Variants in SLC23A2 observed in about 807,000 individuals in gnomAD.
SLC23A2 encodes the protein Na(+)/L-ascorbic acid transporter 2.
In SLC23A2, 36 loss-of-function variants were observed where a neutral mutation model predicts 73.3. The ratio of observed to expected loss-of-function variants is 0.49; its 90% CI spans 0.38 to 0.65. SLC23A2 has a LOEUF of 0.65. Among genes scored for constraint, SLC23A2 ranks in the 30% least tolerant of loss-of-function variants. SLC23A2 has a pLI of 0.00. For missense variants in SLC23A2, 507 were observed against 841.6 expected (o/e 0.60, Z 4.92); for synonymous variants, 343 against 327.3 (o/e 1.05, Z -0.52).
chr20:4,884,027 G>A (rs1251105222), intron 8 of SLC23A2, among the ~76,000 whole-genome samples: 7 of 152,198 alleles, frequency 4.6e-5, no homozygotes, highest in African/African-American at 1.4e-4. Flanking sequence ...TGATGCAGGT[G>A]TATTACAGAA....
At chr20:4,987,395 G>C (rs867218519) in intron 1 of SLC23A2, among the ~76,000 whole-genome samples, 4 of 152,104 alleles carry the variant, frequency 2.6e-5, no homozygotes, top group African/African-American at 7.2e-5. Flanking sequence ...CCTGAAGAAC[G>C]ATCACTCGTG....
At chr20:4,921,307 C>G (rs1015631642) in intron 3 of SLC23A2, among the ~76,000 whole-genome samples, 9 of 152,136 alleles carry the variant, frequency 5.9e-5, no homozygotes, top group African/African-American at 2.2e-4. Flanking sequence ...AGAAATACAT[C>G]AAGGCTGGGC....
chr20:5,000,777 C>T (rs1473373652), intron 1 of SLC23A2, among the ~76,000 whole-genome samples: 1 of 151,828 alleles, frequency 6.6e-6, no homozygotes, highest in Admixed American at 6.6e-5. Context: ...GTCATTTTTT[C>T]CCCCCGAAAG....
At chr20:4,866,985 G>C (rs1930225270) in intron 13 of SLC23A2, among the ~76,000 whole-genome samples, 1 of 144,492 alleles carries the variant, frequency 6.9e-6, no homozygotes, top group African/African-American at 2.6e-5. Context: ...ACACCTCCCA[G>C]TTGGGATCCC....
At chr20:4,925,698 G>A (rs146588330) in intron 3 of SLC23A2, among the ~76,000 whole-genome samples, 41 of 152,276 alleles carry the variant, frequency 2.7e-4, no homozygotes, top group African/African-American at 8.9e-4. Flanking sequence ...CAGCATCCCT[G>A]CTGCTCATCT....
intron 2 of SLC23A2, among the ~76,000 whole-genome samples, chr20:4,941,744 T>C (rs1320384991): frequency 1.3e-5 from 2 of 149,520 alleles, no homozygotes; most frequent in African/African-American, 5.0e-5. Flanking sequence ...AGATCTCGTG[T>C]TAAATGTTCT....
intron 4 of SLC23A2, among the ~76,000 whole-genome samples, chr20:4,909,746 G>A (rs1251882218): frequency 2.0e-5 from 3 of 152,048 alleles, no homozygotes; most frequent in Admixed American, 6.6e-5. Flanking sequence ...TAGTAGAGAC[G>A]GGGTTTCACC....
At chr20:4,961,131 G>T (rs148652217) in intron 2 of SLC23A2, among the ~76,000 whole-genome samples, 1 of 141,064 alleles carries the variant, frequency 7.1e-6, no homozygotes, top group South Asian at 2.2e-4. Flanking sequence ...TTTTTGAGAC[G>T]GAGTCTCGCT....
Position 4,957,250 on chromosome 20 carries a change from G to A in SLC23A2, c.-155+13543C>T, listed in dbSNP as rs564448509. On this transcript the variant is annotated intron_variant, in intron 2 of 16. Coordinates refer to ENST00000338244, the MANE Select transcript of SLC23A2 (RefSeq NM_005116.6). ...TCAGGAGGGTCACTTGAGGATAGGAGTTTGAGACCATCCTGGACAACACAG... is the reference window on the plus strand; with the variant it reads ...TCAGGAGGGTCACTTGAGGATAGGAATTTGAGACCATCCTGGACAACACAG... Among the ~76,000 whole-genome samples the A allele has an allele frequency of 3.3e-5, 5 of 152,158 alleles. No individual in the cohort carries two copies. In the South Asian group the frequency reaches 1.0e-3, roughly 32 times the overall value.
intron 3 of SLC23A2, among the ~76,000 whole-genome samples, chr20:4,914,555 T>C (rs1030812476): frequency 2.0e-5 from 3 of 152,126 alleles, no homozygotes; most frequent in Non-Finnish European, 4.4e-5. Context: ...AAAACAGGTA[T>C]TTCTGTGGAT....
At position 4,899,904 on chromosome 20, in the gene SLC23A2, C is replaced by A. The variant is rs1931683881; in HGVS notation, c.325-192G>T. 6.6e-6 allele frequency among the ~76,000 whole-genome samples: 1 copy of A among 152,300 alleles called. No homozygotes were observed. Among genetic ancestry groups the A allele is most frequent in the African/African-American group, 2.4e-5 (1 of 41,560 alleles). ...CCTTTGTTGTTAAGACAGTTTCACT[C>A]CCATTGCCCTCGACGGAGTGCAATG... On this transcript the variant is annotated intron_variant, in intron 5 of 16. Transcript: ENST00000338244. This position sits in a 1 kb window ranked among gnomAD's most constrained non-coding sequence, Gnocchi z 4.9.
rs1228351186 is a variant in SLC23A2 at position 4,883,457 on chromosome 20, T to A, written c.824+185A>T. On this transcript the variant is annotated intron_variant, in intron 9 of 16. Transcript: ENST00000338244. The surrounding 1 kb of genome is among the most constrained non-coding windows in gnomAD (Gnocchi z 4.5). ...CTGCTAAGTCTGTCTTTGTAATACG[T>A]CAACTATATGTCACTTCCCAAACTC... Among the ~76,000 whole-genome samples the A allele has an allele frequency of 1.3e-5, 2 of 152,200 alleles. No individual in the cohort carries two copies. The highest frequency in any genetic ancestry group is 1.3e-4 in the Admixed American group (2 of 15,286).
At chr20:4,940,148 T>A (rs762274814) in intron 2 of SLC23A2, among the ~76,000 whole-genome samples, 1 of 151,926 alleles carries the variant, frequency 6.6e-6, no homozygotes, top group Non-Finnish European at 1.5e-5. Flanking sequence ...CAAAACCCTA[T>A]CTCTACCAAA....
At chr20:4,964,582 G>A (rs1471111975) in intron 2 of SLC23A2, among the ~76,000 whole-genome samples, 11 of 152,144 alleles carry the variant, frequency 7.2e-5, no homozygotes, top group African/African-American at 2.2e-4. Flanking sequence ...ACGTGGCAAC[G>A]TAAGGAGTGC....
chr20:4,889,372 T>A (rs1309929561), intron 6 of SLC23A2, among the ~76,000 whole-genome samples: 1 of 151,944 alleles, frequency 6.6e-6, no homozygotes, highest in African/African-American at 2.4e-5. Flanking sequence ...TGAAGGTCAG[T>A]GGGGACCAGA....
chr20:4,926,240 A>T (rs950126857), intron 3 of SLC23A2, among the ~76,000 whole-genome samples: 1 of 152,190 alleles, frequency 6.6e-6, no homozygotes, highest in Non-Finnish European at 1.5e-5. Context: ...TGATACCCAA[A>T]TATTCTCACA....
intron 6 of SLC23A2, among the ~76,000 whole-genome samples, chr20:4,898,072 G>C (rs1008193802): frequency 6.6e-5 from 10 of 152,204 alleles, no homozygotes; most frequent in Admixed American, 5.2e-4. Context: ...CCCAAAGAAT[G>C]AAAGAGGGTG....
At chr20:4,881,694 AT>A (rs1333225515) in intron 9 of SLC23A2, among the ~76,000 whole-genome samples, 1 of 151,796 alleles carries the variant, frequency 6.6e-6, no homozygotes, top group East Asian at 1.9e-4. Context: ...TACTAGGTTC[AT>A]TTTTTTGTCC....
At chr20:4,920,262 C>T (rs1932459254) in intron 3 of SLC23A2, among the ~76,000 whole-genome samples, 1 of 152,176 alleles carries the variant, frequency 6.6e-6, no homozygotes, top group African/African-American at 2.4e-5. Flanking sequence ...CTCCACCAAA[C>T]TATAATGAGA....
Sources: allele counts gnomAD v4.1 joint callset (sites outside exome capture counted in the v4.1 genomes callset), GRCh38; gene constraint gnomAD v4.1.1; non-coding constraint Gnocchi (gnomAD v3.1); transcripts MANE v1.5; gene names NCBI Gene and HGNC (gene_info 2026-07-23, HGNC 2026-07-21).